The following PIEZO2 variants were observed in gnomAD, a reference collection of about 807,000 sequenced individuals.
PIEZO2 encodes piezo-type mechanosensitive ion channel component 2.
PIEZO2 carries 172 observed loss-of-function variants against 337.3 expected under a neutral mutation model. The observed-to-expected ratio is 0.51, with a 90% confidence interval of 0.45 to 0.58. PIEZO2 has a LOEUF of 0.58. Ranked by LOEUF, PIEZO2 falls within the 20% of genes least tolerant of loss-of-function variation. The pLI is 0.00. For synonymous variants in PIEZO2, 1,251 were observed against 1,228.5 expected, an observed-to-expected ratio of 1.02 and a Z score of -0.38; for missense variants, 3,028 against 3,391.3, an observed-to-expected ratio of 0.89 and a Z score of 2.66.
rs2035209884 is a variant in PIEZO2 at position 10,698,809 on chromosome 18, A to G, written c.6694+116T>C. On this transcript the variant is annotated intron_variant, in intron 44 of 55. Coordinates refer to ENST00000674853, the MANE Select transcript of PIEZO2 (RefSeq NM_001378183.1). The stretch of plus-strand genomic sequence containing the variant: ...TCAAAGCCCTTTCTTTTCACATAAC[A>G]ATGTCTGTCTCTTGATAGCACCCAA... 17 of 1,310,064 alleles carry G rather than the reference A, an allele frequency of 1.3e-5. No homozygotes were observed. The East Asian group carries it at 4.3e-4, about 33-fold the overall frequency. 81.2% of individuals were successfully genotyped at this position (1,310,064 alleles called of 1,614,324 possible).
chr18:10,751,610 C>G (rs562410875), intron 28 of PIEZO2, among the ~76,000 whole-genome samples: 1 of 152,186 alleles, frequency 6.6e-6, no homozygotes, highest in East Asian at 1.9e-4. Flanking sequence ...CACGTGCCCC[C>G]CCGAAAATCA....
intron 2 of PIEZO2, among the ~76,000 whole-genome samples, chr18:11,029,621 C>T (rs1300782190): frequency 3.9e-5 from 6 of 152,226 alleles, no homozygotes; most frequent in Non-Finnish European, 7.3e-5. Context: ...TTTACAACTT[C>T]AGTGCTTCTC....
intron 36 of PIEZO2, among the ~76,000 whole-genome samples, chr18:10,719,681 A>C (rs1053444526): frequency 1.3e-5 from 2 of 152,170 alleles, no homozygotes; most frequent in Non-Finnish European, 2.9e-5. Context: ...GTACCTTTTT[A>C]ATATAATGAT....
chr18:10,827,770 C>T (rs1341010857), intron 7 of PIEZO2, among the ~76,000 whole-genome samples: 1 of 152,192 alleles, frequency 6.6e-6, no homozygotes, highest in Non-Finnish European at 1.5e-5. Flanking sequence ...AGATCACAGC[C>T]ACATATTCCT....
intron 3 of PIEZO2, among the ~76,000 whole-genome samples, chr18:10,935,397 GA>G (rs1007295463): frequency 2.0e-5 from 3 of 152,210 alleles, no homozygotes; most frequent in Non-Finnish European, 2.9e-5. Flanking sequence ...GCAGAATTAG[GA>G]GTTGGGGATG....
intron 2 of PIEZO2, among the ~76,000 whole-genome samples, chr18:11,030,297 TA>T (rs1343357273): frequency 6.6e-6 from 1 of 152,224 alleles, no homozygotes; most frequent in Non-Finnish European, 1.5e-5. Flanking sequence ...TTTTGTAATT[TA>T]AAAAATGCCA....
chr18:11,003,543 T>C lies in PIEZO2; in HGVS notation c.161-23883A>G, dbSNP rs2035618215. On this transcript the variant is annotated intron_variant, in intron 2 of 55. Transcript: ENST00000674853. The surrounding 1 kb of genome is among the most constrained non-coding windows in gnomAD (Gnocchi z 4.6). The stretch of plus-strand genomic sequence containing the variant: ...TTTAAGAAAGATTAATAAAAGCAAG[T>C]CAGATAATAATTTACCCACTTATTC... Among the ~76,000 whole-genome samples the C allele has an allele frequency of 6.6e-6, 1 of 152,146 alleles. No individual in the cohort carries two copies. The highest frequency in any genetic ancestry group is 1.5e-5 in the Non-Finnish European group (1 of 68,014).
rs373460477 is a variant in PIEZO2 at position 10,872,069 on chromosome 18, C to A, written c.330-654G>T. On this transcript the variant is annotated intron_variant, in intron 4 of 55. Coordinates refer to ENST00000674853, the MANE Select transcript of PIEZO2 (RefSeq NM_001378183.1). This position sits in a 1 kb window ranked among gnomAD's most constrained non-coding sequence, Gnocchi z 4.3. ...CTGAGGAAGTAATACTATTTGCCTT[C>A]CTTATTTTGTTCAAGTGACATGAGA... 2.9e-4 allele frequency among the ~76,000 whole-genome samples: 44 copies of A among 152,244 alleles called. 1 individual carries two copies. Among genetic ancestry groups the A allele is most frequent in the African/African-American group, 1.0e-3 (43 of 41,544 alleles).
intron 1 of PIEZO2, among the ~76,000 whole-genome samples, chr18:11,086,221 A>G (rs1019994356): frequency 6.6e-6 from 1 of 152,236 alleles, no homozygotes. Flanking sequence ...AAAATTCGAC[A>G]GAGAAATCTC....
At chr18:11,100,662 T>TC (rs2039386378) in intron 1 of PIEZO2, among the ~76,000 whole-genome samples, 1 of 152,014 alleles carries the variant, frequency 6.6e-6, no homozygotes, top group African/African-American at 2.4e-5. Flanking sequence ...GTGGCACAGT[T>TC]TTGGCTCACT....
chr18:11,020,272 G>A (rs1473538224), intron 2 of PIEZO2, among the ~76,000 whole-genome samples: 1 of 152,118 alleles, frequency 6.6e-6, no homozygotes, highest in African/African-American at 2.4e-5. Context: ...TCTGTCTGAT[G>A]GGGTCCATTA....
rs2031933637 is a variant in PIEZO2, at chr18:10,929,123, T to C, written c.287-17895A>G. On this transcript the variant is annotated intron_variant, in intron 3 of 55. Transcript: ENST00000674853. The surrounding 1 kb of genome is among the most constrained non-coding windows in gnomAD (Gnocchi z 5.6). ...TTGTAAAGGTATCCATGCATCAGTC[T>C]TTATGTAAACACTCACAGCATTAAC... is the stretch of plus-strand genomic sequence containing the variant. Among the ~76,000 whole-genome samples, 1 of 152,202 alleles carries C rather than the reference T, an allele frequency of 6.6e-6. No homozygotes were observed. The highest frequency in any genetic ancestry group is 2.4e-5 in the African/African-American group (1 of 41,456).
At chr18:11,006,686 C>T (rs148670707) in intron 2 of PIEZO2, among the ~76,000 whole-genome samples, 108 of 152,228 alleles carry the variant, frequency 7.1e-4, no homozygotes, top group African/African-American at 2.4e-3. Flanking sequence ...TCTTTCCTTT[C>T]TTTCCTCCTC....
chr18:10,722,149 CAAAA>C (rs57201451), intron 36 of PIEZO2, among the ~76,000 whole-genome samples: 5,309 of 125,404 alleles, frequency 0.042, 316 homozygotes, highest in African/African-American at 0.15. Context: ...GACTCCATCT[CAAAA>C]AAAAAAAAAA....
chr18:10,986,455 C>T (rs1463395257), intron 2 of PIEZO2, among the ~76,000 whole-genome samples: 2 of 151,998 alleles, frequency 1.3e-5, no homozygotes, highest in African/African-American at 4.8e-5. Flanking sequence ...AAATGTTATA[C>T]ACCACATTAA....
intron 4 of PIEZO2, among the ~76,000 whole-genome samples, chr18:10,900,458 A>T (rs2043017307): frequency 6.6e-6 from 1 of 152,152 alleles, no homozygotes; most frequent in Non-Finnish European, 1.5e-5. Context: ...ACTGGAAGAG[A>T]CCTCTGCCTA....
chr18:11,023,922 G>A (rs1247745457), intron 2 of PIEZO2, among the ~76,000 whole-genome samples: 1 of 152,226 alleles, frequency 6.6e-6, no homozygotes, highest in Non-Finnish European at 1.5e-5. Context: ...GGGCCGGCAG[G>A]ACTGGCCGGC....
At chr18:10,898,995 G>T (rs2042977141) in intron 4 of PIEZO2, among the ~76,000 whole-genome samples, 1 of 152,174 alleles carries the variant, frequency 6.6e-6, no homozygotes, top group Non-Finnish European at 1.5e-5. Flanking sequence ...CGCCAAGAAA[G>T]GCAGGGAGGC....
At chr18:11,040,316 C>T (rs2037074997) in intron 2 of PIEZO2, among the ~76,000 whole-genome samples, 1 of 152,090 alleles carries the variant, frequency 6.6e-6, no homozygotes, top group East Asian at 1.9e-4. Flanking sequence ...TTTTGAACTC[C>T]TTGAGTTTAG....
Sources: gnomAD v4.1 joint callset for allele counts (sites outside exome capture counted in the v4.1 genomes callset) on GRCh38, gnomAD v4.1.1 for gene constraint, Gnocchi (gnomAD v3.1) non-coding constraint, MANE v1.5 for transcripts, NCBI Gene and HGNC (gene_info 2026-07-23, HGNC 2026-07-21) for gene names.